Variants in PLXNC1 observed in about 807,000 individuals in gnomAD.
PLXNC1 encodes the protein plexin-C1.
In PLXNC1, 75 loss-of-function variants were observed where a neutral mutation model predicts 178.2. That is an observed-to-expected ratio of 0.42 (90% CI 0.35 to 0.51). The LOEUF is 0.51. Among genes scored for constraint, PLXNC1 ranks in the 20% least tolerant of loss-of-function variants. PLXNC1 has a pLI of 0.02. For missense variants in PLXNC1, 1,503 were observed against 1,984.4 expected (o/e 0.76, Z 4.61); for synonymous variants, 790 against 779.9 (o/e 1.01, Z -0.22).
At chr12:94,282,215 A>T in intron 22 of PLXNC1, 83 bp from the exon 23 acceptor site, 1 of 879,566 alleles carries the variant, frequency 1.1e-6, no homozygotes, top group Non-Finnish European at 1.9e-6. Flanking sequence ...ACTTTATTCA[A>T]GTTTTAGTTA....
intron 22 of PLXNC1, chr12:94,279,880 G>C (rs893803713): frequency 1.5e-6 from 1 of 675,096 alleles, no homozygotes; most frequent in African/African-American, 1.8e-5. Flanking sequence ...GTTTGTTGTT[G>C]TTGTCTTTAA....
chr12:94,151,332 C>T (rs1022646186), intron 1 of PLXNC1, among the ~76,000 whole-genome samples: 1 of 152,160 alleles, frequency 6.6e-6, no homozygotes, highest in Non-Finnish European at 1.5e-5. Context: ...AGAAAAAAAC[C>T]AGGAGGTCTT....
intron 20 of PLXNC1, chr12:94,262,601 C>G: frequency 1.0e-6 from 1 of 985,448 alleles, no homozygotes; most frequent in Non-Finnish European, 1.2e-6. Context: ...TGGCATCCAG[C>G]CAGTCGGCGA....
At chr12:94,261,783 T>C (rs897638181) in intron 20 of PLXNC1, among the ~76,000 whole-genome samples, 1 of 152,256 alleles carries the variant, frequency 6.6e-6, no homozygotes, top group Non-Finnish European at 1.5e-5. Context: ...TTAACAGTGC[T>C]ACTTAAGTTT....
At chr12:94,254,137 C>A (rs926259340) in intron 15 of PLXNC1, among the ~76,000 whole-genome samples, 3 of 152,214 alleles carry the variant, frequency 2.0e-5, no homozygotes, top group Admixed American at 1.3e-4. Context: ...GAGAAGGCAG[C>A]CAGGCACAGA....
intron 21 of PLXNC1, chr12:94,277,753 A>G (rs1966084121): frequency 2.8e-6 from 1 of 351,084 alleles, no homozygotes; most frequent in Non-Finnish European, 5.7e-6. Flanking sequence ...TAATGCCAAC[A>G]ATAGTAATTG....
At chr12:94,159,856 A>G (rs539304547) in intron 1 of PLXNC1, among the ~76,000 whole-genome samples, 1 of 152,348 alleles carries the variant, frequency 6.6e-6, no homozygotes, top group Non-Finnish European at 1.5e-5. Flanking sequence ...AGTGGTGACA[A>G]ATATGGAGAG....
chr12:94,190,901 G>T (rs7977516), intron 4 of PLXNC1, among the ~76,000 whole-genome samples: 130,998 of 152,254 alleles, frequency 0.86, 56,379 homozygotes, highest in East Asian at 0.97. Flanking sequence ...CTTTCTTGAC[G>T]GTCTGGTCCT....
chr12:94,274,210 C>G (rs1438486050), intron 21 of PLXNC1, among the ~76,000 whole-genome samples: 2 of 142,866 alleles, frequency 1.4e-5, no homozygotes, highest in African/African-American at 5.4e-5. Context: ...TGGCAGTGTG[C>G]ACCTGTAGTC....
At chr12:94,244,686 A>G (rs1964480370) in intron 12 of PLXNC1, among the ~76,000 whole-genome samples, 1 of 152,226 alleles carries the variant, frequency 6.6e-6, no homozygotes. Context: ...TGGGCCACAC[A>G]TAAGATACAC....
chr12:94,277,492 CTG>C (rs1355396985), intron 21 of PLXNC1, among the ~76,000 whole-genome samples: 2 of 152,192 alleles, frequency 1.3e-5, no homozygotes, highest in Admixed American at 1.3e-4. Flanking sequence ...GTTCTAAGAA[CTG>C]TGCGGTTACT....
At chr12:94,177,143 G>A (rs1962091860) in intron 2 of PLXNC1, among the ~76,000 whole-genome samples, 1 of 84,042 alleles carries the variant, frequency 1.2e-5, no homozygotes, top group Admixed American at 1.3e-4. Context: ...ATATATGTGT[G>A]TGTGTGTATA....
intron 25 of PLXNC1, 27 bp from the exon 26 acceptor site, chr12:94,297,289 G>C: frequency 1.2e-6 from 2 of 1,612,540 alleles, no homozygotes; most frequent in Non-Finnish European, 1.7e-6. Flanking sequence ...GTCTCCTTGG[G>C]TAACGCTTCT....
Position 94,220,082 on chromosome 12 carries a change from T to C in PLXNC1, c.1621T>C (p.Ser541Pro). Residue 541 changes from serine to proline, a missense_variant, in exon 6 of 31, where the codon TCT becomes CCT. Ser to Pro is a moderately conservative substitution (Grantham distance 74). Around this residue, in one of 4 missense-constraint regions of PLXNC1, gnomAD observed 615 missense variants for 698.6 expected, o/e 0.88. Transcript: ENST00000258526. ...HSKCMVKNVD[S>P]SRELCQNKSQ... ...AAAGTGCATGGTGAAGAATGTGGAC[T>C]CTAGCAGGGAGCTCTGCCAGAATAA... 2.5e-6 allele frequency: 4 copies of C among 1,614,068 alleles called. No homozygotes were observed. The highest frequency in any genetic ancestry group is 2.5e-6 in the Non-Finnish European group (3 of 1,179,930).
At chr12:94,275,234 A>C (rs1421463454) in intron 21 of PLXNC1, among the ~76,000 whole-genome samples, 1 of 152,180 alleles carries the variant, frequency 6.6e-6, no homozygotes, top group East Asian at 1.9e-4. Flanking sequence ...TTGTCTCTGA[A>C]ATTTATCATG....
chr12:94,245,206 T>C (rs191801564), intron 12 of PLXNC1, among the ~76,000 whole-genome samples: 281 of 152,368 alleles, frequency 1.8e-3, no homozygotes, highest in Non-Finnish European at 3.1e-3. Flanking sequence ...TTTGACCCTC[T>C]GAGCAGAGGC....
At chr12:94,187,827 T>C (rs563274117) in intron 4 of PLXNC1, among the ~76,000 whole-genome samples, 2 of 152,198 alleles carry the variant, frequency 1.3e-5, no homozygotes, top group South Asian at 2.1e-4. Flanking sequence ...GCTGGTGATA[T>C]GAATTTGGGA....
intron 21 of PLXNC1, among the ~76,000 whole-genome samples, chr12:94,274,422 C>G (rs1965790439): frequency 6.6e-6 from 1 of 152,192 alleles, no homozygotes; most frequent in African/African-American, 2.4e-5. Context: ...AAGGGAGTTG[C>G]TGCTGATCAT....
intron 4 of PLXNC1, among the ~76,000 whole-genome samples, chr12:94,189,530 A>G (rs1962643721): frequency 6.6e-6 from 1 of 152,130 alleles, no homozygotes; most frequent in East Asian, 1.9e-4. Flanking sequence ...AAATATGAAC[A>G]TTAGCTGAGT....
Sources: allele counts gnomAD v4.1 joint callset (sites outside exome capture counted in the v4.1 genomes callset), GRCh38; gene constraint gnomAD v4.1.1; regional missense constraint gnomAD v4.1.1; transcripts MANE v1.5; gene names NCBI Gene and HGNC (gene_info 2026-07-23, HGNC 2026-07-21).